The following PCDHGB5 variants were observed in gnomAD, a reference collection of about 807,000 sequenced individuals.
PCDHGB5 encodes protocadherin gamma subfamily B, 5, also known as protocadherin gamma-B5.
PCDHGB5 carries 48 observed loss-of-function variants against 62.9 expected under a neutral mutation model. That is an observed-to-expected ratio of 0.76 (90% confidence interval 0.61 to 0.97). The LOEUF (loss-of-function observed/expected upper bound fraction) is 0.97, where lower values mean the gene tolerates loss of function less well. Among genes scored for constraint, PCDHGB5 ranks in the 50% least tolerant of loss-of-function variants. The pLI is 0.00. For synonymous variants in PCDHGB5, 474 were observed against 511.2 expected, an observed-to-expected ratio of 0.93 and a Z score of 0.98; for missense variants, 1,118 against 1,198.6, an observed-to-expected ratio of 0.93 and a Z score of 0.99.
intron 1 of PCDHGB5, chr5:141,403,791 A>T: frequency 6.2e-7 from 1 of 1,613,900 alleles, no homozygotes. Context: ...GTGGCATACA[A>T]ATTCTGGAAA....
rs1446853595 is a variant in PCDHGB5 at position 141,491,363 on chromosome 5, C to A, written c.2398-3444C>A. The A allele has an allele frequency of 1.2e-6, 2 of 1,614,182 alleles. No homozygotes were observed. Among genetic ancestry groups the A allele is most frequent in the South Asian group, 2.2e-5 (2 of 91,082 alleles). On this transcript the variant is annotated intron_variant, in intron 1 of 3. Coordinates refer to ENST00000617380, the MANE Select transcript of PCDHGB5 (RefSeq NM_018925.3). The surrounding 1 kb of genome is among the most constrained non-coding windows in gnomAD (Gnocchi z 6.9). ...ACCGTCAGTCTCTTATCCCTAGTCA[C>A]CTTCACCTTTCTGTCAGCGAAGTGC...
At chr5:141,403,099 C>G in intron 1 of PCDHGB5, 5 of 1,614,056 alleles carry the variant, frequency 3.1e-6, no homozygotes, top group Non-Finnish European at 4.2e-6. Context: ...GCAACATCTC[C>G]AAGGACCTGG....
At position 141,505,479 on chromosome 5, in the gene PCDHGB5, G is replaced by A; in HGVS notation, c.2543G>A (p.Ser848Asn). 1 of 1,614,228 alleles carries A rather than the reference G, an allele frequency of 6.2e-7. No homozygotes were observed. The highest frequency in any genetic ancestry group is 8.5e-7 in the Non-Finnish European group (1 of 1,180,018). Residue 848 changes from serine to asparagine, a missense_variant and splice_region_variant, in exon 3 of 4, where the codon AGT (serine) becomes AAT (asparagine). Ser to Asn is a conservative substitution (Grantham distance 46, BLOSUM62 1). Coordinates refer to ENST00000617380, the MANE Select transcript of PCDHGB5 (RefSeq NM_018925.3). Reference sequence around the variant, plus strand: ...CAAGCCATGATCTTGGCGTCCGCCAGTGGTAAGTGGTGTCAGTGTGTGTAT... The same window carrying A: ...CAAGCCATGATCTTGGCGTCCGCCAATGGTAAGTGGTGTCAGTGTGTGTAT... Reference protein sequence around the residue: ...MLQAMILASASEAADGSSTLG... With the variant: ...MLQAMILASANEAADGSSTLG...
rs1363008017 is a variant in PCDHGB5, at chr5:141,413,215, T to A, written c.2397+12691T>A. ...GAATCGCTCAAAGGAATCAAAGGATTGCAGCGGGCTGGTCCTGCTCTGCCT... is the reference window on the plus strand; with the variant it reads ...GAATCGCTCAAAGGAATCAAAGGATAGCAGCGGGCTGGTCCTGCTCTGCCT... On this transcript the variant is annotated intron_variant, in intron 1 of 3. Coordinates refer to ENST00000617380, the MANE Select transcript of PCDHGB5 (RefSeq NM_018925.3). 6 of 1,613,232 alleles carry A rather than the reference T, an allele frequency of 3.7e-6. No individual in the cohort carries two copies. The African/African-American group carries it at 8.0e-5, about 22-fold the overall frequency.
rs2099710219 is a variant in PCDHGB5, at chr5:141,491,289, C to A, written c.2398-3518C>A. On this transcript the variant is annotated intron_variant, in intron 1 of 3. Transcript: ENST00000617380. The surrounding 1 kb of genome is among the most constrained non-coding windows in gnomAD (Gnocchi z 6.9). The stretch of plus-strand genomic sequence containing the variant: ...CCAAATCCAGTGACTTCCTCATACA[C>A]CCTCCTGAGCGTTCAGACCTTACCC... 1 of 1,614,112 alleles carries A rather than the reference C, an allele frequency of 6.2e-7. No homozygotes were observed. Among genetic ancestry groups the A allele is most frequent in the Non-Finnish European group, 8.5e-7 (1 of 1,179,942 alleles).
intron 1 of PCDHGB5, among the ~76,000 whole-genome samples, chr5:141,420,762 T>A (rs1221355822): frequency 6.6e-6 from 1 of 152,222 alleles, no homozygotes; most frequent in Non-Finnish European, 1.5e-5. Context: ...AACCTACAAG[T>A]TTTCAGCTCC....
At chr5:141,508,124 G>C (rs1248096612) in intron 3 of PCDHGB5, 1 of 152,640 alleles carries the variant, frequency 6.6e-6, no homozygotes, top group Non-Finnish European at 1.5e-5. Flanking sequence ...AGGACAGAGG[G>C]AGGTCAGGGA....
chr5:141,425,576 G>A (rs2096883993), intron 1 of PCDHGB5, among the ~76,000 whole-genome samples: 1 of 152,166 alleles, frequency 6.6e-6, no homozygotes, highest in Non-Finnish European at 1.5e-5. Flanking sequence ...GAAGGGTTTG[G>A]CTAACTTTAT....
At position 141,431,914 on chromosome 5, in the gene PCDHGB5, C is replaced by A. The variant is rs745837291; in HGVS notation, c.2397+31390C>A. 6.2e-7 allele frequency: 1 copy of A among 1,613,912 alleles called. No individual in the cohort carries two copies. Among genetic ancestry groups the A allele is most frequent in the African/African-American group, 1.3e-5 (1 of 75,070 alleles). On this transcript the variant is annotated intron_variant, in intron 1 of 3. Transcript: ENST00000617380. The surrounding 1 kb of genome is among the most constrained non-coding windows in gnomAD (Gnocchi z 4.8). ...AGGAAAACGGACAGGTGATCTGTTT[C>A]ATCCAAGGAAATCTGCCCTTTAAAT...
At chr5:141,435,334 T>C (rs1223377462) in intron 1 of PCDHGB5, among the ~76,000 whole-genome samples, 1 of 152,196 alleles carries the variant, frequency 6.6e-6, no homozygotes, top group East Asian at 1.9e-4. Context: ...ATATAGTGAA[T>C]TTATTTCTTC....
intron 1 of PCDHGB5, among the ~76,000 whole-genome samples, chr5:141,469,436 G>T (rs556417221): frequency 6.6e-6 from 1 of 152,002 alleles, no homozygotes; most frequent in Non-Finnish European, 1.5e-5. Flanking sequence ...TTAGCTGGGC[G>T]TGGTGGTGCA....
At position 141,491,725 on chromosome 5, in the gene PCDHGB5, G is replaced by A. The variant is rs1008933711; in HGVS notation, c.2398-3082G>A. The A allele has an allele frequency of 6.2e-7, 1 of 1,606,496 alleles. No homozygotes were observed. The highest frequency in any genetic ancestry group is 1.3e-5 in the African/African-American group (1 of 74,728). On this transcript the variant is annotated intron_variant, in intron 1 of 3. Coordinates refer to ENST00000617380, the MANE Select transcript of PCDHGB5 (RefSeq NM_018925.3). The surrounding 1 kb of genome is among the most constrained non-coding windows in gnomAD (Gnocchi z 6.9). ...GGTGAGGGGCTCGGCGCCGCCCCGGGCGACCCCTGGGGGCGGCACTGGAGA... is the reference window on the plus strand; with the variant it reads ...GGTGAGGGGCTCGGCGCCGCCCCGGACGACCCCTGGGGGCGGCACTGGAGA...
chr5:141,399,845 T>G lies in PCDHGB5; in HGVS notation c.1718T>G (p.Met573Arg). The change falls in exon 1 of 4, where the codon ATG becomes AGG. Residue 573 changes from methionine (M) to arginine (R), a missense_variant. Transcript: ENST00000617380. ...CCCGACGGCTCTGCGCTCTTCGATATGGTGCCGCGCGCTGCAGAGCCCGGC... is the reference window on the plus strand; with the variant it reads ...CCCGACGGCTCTGCGCTCTTCGATAGGGTGCCGCGCGCTGCAGAGCCCGGC... Reference protein sequence around the residue: ...LGPDGSALFDMVPRAAEPGYL... With the variant: ...LGPDGSALFDRVPRAAEPGYL... 6.2e-7 allele frequency: 1 copy of G among 1,612,982 alleles called. No homozygotes were observed. Among genetic ancestry groups the G allele is most frequent in the Non-Finnish European group, 8.5e-7 (1 of 1,179,774 alleles).
intron 1 of PCDHGB5, chr5:141,414,764 A>G: frequency 6.2e-7 from 1 of 1,614,194 alleles, no homozygotes; most frequent in Non-Finnish European, 8.5e-7. Flanking sequence ...GAGCAGTTTC[A>G]TGAGCTACAG....
chr5:141,473,988 G>A (rs1006988447), intron 1 of PCDHGB5, among the ~76,000 whole-genome samples: 1 of 152,118 alleles, frequency 6.6e-6, no homozygotes, highest in African/African-American at 2.4e-5. Flanking sequence ...AGGATCCCTT[G>A]AGCCCAAGGA....
At position 141,414,415 on chromosome 5, in the gene PCDHGB5, C is replaced by T. The variant is rs769791452; in HGVS notation, c.2397+13891C>T. ...TTACAGATTGGTGATACACAGAGCC[C>T]TTGACAGGGAACAGGTATCCTCTTA... On this transcript the variant is annotated intron_variant, in intron 1 of 3. Coordinates refer to ENST00000617380, the MANE Select transcript of PCDHGB5 (RefSeq NM_018925.3). The T allele has an allele frequency of 2.5e-6, 4 of 1,613,758 alleles. No individual in the cohort carries two copies. Among genetic ancestry groups the T allele is most frequent in the Non-Finnish European group, 8.5e-7 (1 of 1,179,880 alleles).
chr5:141,424,294 C>G (rs1260250688), intron 1 of PCDHGB5: 1 of 152,470 alleles, frequency 6.6e-6, no homozygotes, highest in Non-Finnish European at 1.5e-5. Context: ...ATTTCTTCAT[C>G]CTATCAACAC....
At chr5:141,412,067 G>A (rs1428018643) in intron 1 of PCDHGB5, 2 of 152,170 alleles carry the variant, frequency 1.3e-5, no homozygotes, top group Non-Finnish European at 2.9e-5. Context: ...TTGCATTTGA[G>A]GGAACAATTG....
Position 141,398,715 on chromosome 5 carries a change from G to A in PCDHGB5, c.588G>A (p.Leu196=). 2 of 1,613,850 alleles carry A rather than the reference G, an allele frequency of 1.2e-6. No individual in the cohort carries two copies. Among genetic ancestry groups the A allele is most frequent in the Non-Finnish European group, 1.7e-6 (2 of 1,179,898 alleles). Residue 196 remains leucine, a synonymous_variant, in exon 1 of 4, where the codon CTG becomes CTA. Transcript: ENST00000617380. ...GTAGTAAATACCCGGAACTGGCACT[G>A]GAGAAAACCTTAGACCGGGAACAAC... ...QDGSKYPELA[L]EKTLDREQQS...
Sources: gnomAD v4.1 joint callset for allele counts (sites outside exome capture counted in the v4.1 genomes callset) on GRCh38, gnomAD v4.1.1 for gene constraint, Gnocchi (gnomAD v3.1) non-coding constraint, MANE v1.5 for transcripts, NCBI Gene and HGNC (gene_info 2026-07-23, HGNC 2026-07-21) for gene names.